The following ST3GAL1 variants were observed in gnomAD, a reference collection of about 807,000 sequenced individuals.
ST3GAL1 encodes the protein CMP-N-acetylneuraminate-beta-galactosamide-alpha-2,3-sialyltransferase 1.
Under a neutral mutation model 34.1 loss-of-function variants are expected in ST3GAL1, and 16 were observed. That is an observed-to-expected ratio of 0.47 (90% confidence interval 0.32 to 0.71). The LOEUF (loss-of-function observed/expected upper bound fraction) is 0.71. Ranked by LOEUF, ST3GAL1 falls within the 30% of genes least tolerant of loss-of-function variation. ST3GAL1 has a pLI of 0.04. For synonymous variants in ST3GAL1, 191 were observed against 184.7 expected (o/e 1.03, Z -0.28); for missense variants, 353 against 447.4 (o/e 0.79, Z 1.90).
intron 7 of ST3GAL1, 134 bp downstream of exon 7, chr8:133,464,644 G>T: frequency 3.2e-6 from 3 of 937,630 alleles, no homozygotes; most frequent in Non-Finnish European, 4.8e-6. Flanking sequence ...CGGGAACTGG[G>T]CTTGTGTGTG....
intron 1 of ST3GAL1, among the ~76,000 whole-genome samples, chr8:133,550,692 C>A (rs1818813839): frequency 6.6e-6 from 1 of 152,206 alleles, no homozygotes; most frequent in Non-Finnish European, 1.5e-5. Flanking sequence ...AAAATGTCTA[C>A]CTTCTCCAGC....
intron 2 of ST3GAL1, among the ~76,000 whole-genome samples, chr8:133,530,031 G>A (rs1045779021): frequency 7.2e-5 from 11 of 152,158 alleles, no homozygotes; most frequent in African/African-American, 2.4e-4. Flanking sequence ...TGTAGGTTTC[G>A]CAAGGAACGT....
intron 1 of ST3GAL1, among the ~76,000 whole-genome samples, chr8:133,564,519 T>TACACACACAC (rs60855292): frequency 0.044 from 6,395 of 145,864 alleles, 288 homozygotes; most frequent in African/African-American, 0.12. Flanking sequence ...AAAGAGAAAA[T>TACACACACAC]ACACACACAC....
intron 2 of ST3GAL1, among the ~76,000 whole-genome samples, chr8:133,535,579 T>G (rs1216064572): frequency 6.6e-6 from 1 of 150,580 alleles, no homozygotes; most frequent in African/African-American, 2.5e-5. Flanking sequence ...CATAGCTCCC[T>G]GCAGCCTTGA....
At chr8:133,542,097 A>G (rs909416519) in intron 2 of ST3GAL1, among the ~76,000 whole-genome samples, 1 of 140,588 alleles carries the variant, frequency 7.1e-6, no homozygotes, top group Non-Finnish European at 1.5e-5. Flanking sequence ...GATACACCAC[A>G]CACACACACA....
In ST3GAL1 at chr8:133,570,784, C is replaced by T. The variant is rs563020137; in HGVS notation, c.-582+909G>A. 1.3e-5 allele frequency among the ~76,000 whole-genome samples: 2 copies of T among 152,336 alleles called. No individual in the cohort carries two copies. The highest frequency in any genetic ancestry group is 4.8e-5 in the African/African-American group (2 of 41,588). On this transcript the variant is annotated intron_variant, in intron 1 of 9. Transcript: ENST00000522652. The surrounding 1 kb of genome is among the most constrained non-coding windows in gnomAD (Gnocchi z 5.6). ...TAACTGTACCCTCACCAGAGCGCCT[C>T]GCCCCAGGGTCACCGCTGTCCGTCC...
chr8:133,464,965 A>G lies in ST3GAL1; in HGVS notation c.504-8T>C, dbSNP rs763821328. 1 of 1,610,406 alleles carries G rather than the reference A, an allele frequency of 6.2e-7. No homozygotes were observed. Among genetic ancestry groups the G allele is most frequent in the East Asian group, 2.2e-5 (1 of 44,728 alleles). On this transcript the variant is annotated splice_polypyrimidine_tract_variant and splice_region_variant and intron_variant, in intron 6 of 9. Coordinates refer to ENST00000522652, the MANE Select transcript of ST3GAL1 (RefSeq NM_173344.3). ...GTGGGCGCCTTGTTCATCCTGGGAG[A>G]GAAGGGGAGAAAGCTGAGTCTTGTA...
rs990902820 is a variant in ST3GAL1, at chr8:133,467,200, G to A, written c.307-1110C>T. 6.6e-6 allele frequency among the ~76,000 whole-genome samples: 1 copy of A among 152,178 alleles called. No homozygotes were observed. Among genetic ancestry groups the A allele is most frequent in the African/African-American group, 2.4e-5 (1 of 41,424 alleles). On this transcript the variant is annotated intron_variant, in intron 5 of 9. Coordinates refer to ENST00000522652, the MANE Select transcript of ST3GAL1 (RefSeq NM_173344.3). The surrounding 1 kb of genome is among the most constrained non-coding windows in gnomAD (Gnocchi z 4.2). The stretch of plus-strand genomic sequence containing the variant: ...ATTACTTATTTGCCCAGGTTAAGGG[G>A]TTTCCCTAGATGCAGGACTCTCAGT...
At chr8:133,463,703 C>T (rs1298763417) in intron 7 of ST3GAL1, among the ~76,000 whole-genome samples, 1 of 152,186 alleles carries the variant, frequency 6.6e-6, no homozygotes, top group Non-Finnish European at 1.5e-5. Context: ...TGGCCCCATT[C>T]CCCAAAAAGG....
chr8:133,480,421 C>T (rs907039645), intron 3 of ST3GAL1, among the ~76,000 whole-genome samples: 2 of 152,140 alleles, frequency 1.3e-5, no homozygotes, highest in African/African-American at 4.8e-5. Flanking sequence ...GTAGTAAATA[C>T]CCACTGAACG....
intron 1 of ST3GAL1, among the ~76,000 whole-genome samples, chr8:133,555,375 A>G (rs1318516420): frequency 1.3e-5 from 2 of 151,974 alleles, no homozygotes; most frequent in Admixed American, 6.6e-5. Flanking sequence ...GTCACTTTCC[A>G]TGTGTCGTTT....
chr8:133,547,731 C>T (rs1818710298), intron 1 of ST3GAL1, among the ~76,000 whole-genome samples: 1 of 152,186 alleles, frequency 6.6e-6, no homozygotes, highest in Non-Finnish European at 1.5e-5. Context: ...GGGTTTGGGG[C>T]TGTTTGTTAT....
Position 133,493,640 on chromosome 8 carries a change from T to C in ST3GAL1, c.-374+5495A>G, listed in dbSNP as rs189028938. 7.1e-4 allele frequency among the ~76,000 whole-genome samples: 108 copies of C among 152,158 alleles called. 1 individual carries two copies. In the East Asian group the frequency reaches 0.019, roughly 26 times the overall value. The stretch of plus-strand genomic sequence containing the variant: ...GGCAGGTGGACCACAAGGTCAGGAG[T>C]TTGAGACCGGCCTGGCCAATATGGC... On this transcript the variant is annotated intron_variant, in intron 3 of 9. Coordinates refer to ENST00000522652, the MANE Select transcript of ST3GAL1 (RefSeq NM_173344.3).
At chr8:133,478,938 C>A (rs930636423) in intron 3 of ST3GAL1, among the ~76,000 whole-genome samples, 3 of 152,300 alleles carry the variant, frequency 2.0e-5, no homozygotes, top group Admixed American at 6.5e-5. Context: ...TGAAGGGAAA[C>A]AAAACGGCCA....
chr8:133,502,473 A>T (rs920284631), intron 2 of ST3GAL1, among the ~76,000 whole-genome samples: 2 of 151,666 alleles, frequency 1.3e-5, no homozygotes, highest in Non-Finnish European at 2.9e-5. Context: ...CCATATGCAC[A>T]TAAGAAAGCC....
At chr8:133,498,852 C>T (rs932002343) in intron 3 of ST3GAL1, among the ~76,000 whole-genome samples, 1 of 152,202 alleles carries the variant, frequency 6.6e-6, no homozygotes, top group African/African-American at 2.4e-5. Flanking sequence ...CTCCTGCTGG[C>T]TACAGTGAGC....
Position 133,524,659 on chromosome 8 carries a change from C to T in ST3GAL1, c.-429+21115G>A, listed in dbSNP as rs561741877. On this transcript the variant is annotated intron_variant, in intron 2 of 9. Coordinates refer to ENST00000522652, the MANE Select transcript of ST3GAL1 (RefSeq NM_173344.3). ...TCCAGCCACTGTGCACAGCCAGGTA[C>T]GCTGGTTGCTGCGACAGGATGGACA... is the stretch of plus-strand genomic sequence containing the variant. Among the ~76,000 whole-genome samples, 65 of 152,398 alleles carry T rather than the reference C, an allele frequency of 4.3e-4. 1 individual carries two copies. Among genetic ancestry groups the T allele is most frequent in the Middle Eastern group, 6.8e-3 (2 of 294 alleles).
intron 1 of ST3GAL1, among the ~76,000 whole-genome samples, chr8:133,553,587 C>T (rs1818922629): frequency 6.6e-6 from 1 of 152,156 alleles, no homozygotes; most frequent in Non-Finnish European, 1.5e-5. Flanking sequence ...AATAAAAGTC[C>T]CTGACCTCAT....
At position 133,509,065 on chromosome 8, in the gene ST3GAL1, C is replaced by T. The variant is rs184063633; in HGVS notation, c.-428-9876G>A. Among the ~76,000 whole-genome samples, 710 of 152,256 alleles carry T rather than the reference C, an allele frequency of 4.7e-3. 1 individual carries two copies. Among genetic ancestry groups the T allele is most frequent in the Non-Finnish European group, 7.2e-3 (488 of 68,030 alleles). Reference sequence around the variant, plus strand: ...CTTTACAGTTACTAGCCTCATGTGGCTATTTCCAATTAAAATTAAATTTTA... The same window carrying T: ...CTTTACAGTTACTAGCCTCATGTGGTTATTTCCAATTAAAATTAAATTTTA... On this transcript the variant is annotated intron_variant, in intron 2 of 9. Transcript: ENST00000522652.
Sources: allele counts gnomAD v4.1 joint callset (sites outside exome capture counted in the v4.1 genomes callset), GRCh38; gene constraint gnomAD v4.1.1; non-coding constraint Gnocchi (gnomAD v3.1); transcripts MANE v1.5; gene names NCBI Gene and HGNC (gene_info 2026-07-23, HGNC 2026-07-21).